PDZRN4: variants seen among roughly 807,000 people sequenced by gnomAD.
PDZRN4 encodes the protein PDZ domain containing ring finger 4.
In PDZRN4, 70 loss-of-function variants were observed where a neutral mutation model predicts 99.0. That is an observed-to-expected ratio of 0.71 (90% CI 0.58 to 0.86). The LOEUF (loss-of-function observed/expected upper bound fraction) is 0.86. PDZRN4 is among the 40% of genes least tolerant of loss of function. The pLI is 0.00. For synonymous variants in PDZRN4, 551 were observed against 501.6 expected, an observed-to-expected ratio of 1.10 and a Z score of -1.32; for missense variants, 1,474 against 1,331.2, an observed-to-expected ratio of 1.11 and a Z score of -1.67.
At chr12:41,530,762 G>C (rs377067158) in intron 5 of PDZRN4, among the ~76,000 whole-genome samples, 1 of 152,128 alleles carries the variant, frequency 6.6e-6, no homozygotes, top group Admixed American at 6.5e-5. Context: ...GGGCATGATC[G>C]GACTTATGAT....
At chr12:41,396,029 C>T (rs1362801029) in intron 3 of PDZRN4, among the ~76,000 whole-genome samples, 2 of 152,028 alleles carry the variant, frequency 1.3e-5, no homozygotes, top group Non-Finnish European at 2.9e-5. Flanking sequence ...TGTTTGTTTA[C>T]CAGTCATTCC....
At chr12:41,380,374 G>A (rs1952115427) in intron 3 of PDZRN4, among the ~76,000 whole-genome samples, 1 of 151,832 alleles carries the variant, frequency 6.6e-6, no homozygotes. Context: ...TTGCCATTTT[G>A]CTGATTGTTT....
At chr12:41,301,742 C>T (rs1446287928) in intron 3 of PDZRN4, among the ~76,000 whole-genome samples, 2 of 149,936 alleles carry the variant, frequency 1.3e-5, no homozygotes, top group Non-Finnish European at 2.9e-5. Flanking sequence ...TAGTGGCTGG[C>T]AGAATTTAGG....
At chr12:41,427,842 C>T (rs905653265) in intron 3 of PDZRN4, among the ~76,000 whole-genome samples, 1 of 152,118 alleles carries the variant, frequency 6.6e-6, no homozygotes, top group Non-Finnish European at 1.5e-5. Flanking sequence ...GTAATCCTAG[C>T]AATTTGGAAG....
At chr12:41,527,528 G>C (rs1046535050) in intron 5 of PDZRN4, among the ~76,000 whole-genome samples, 4 of 152,114 alleles carry the variant, frequency 2.6e-5, no homozygotes, top group Non-Finnish European at 5.9e-5. Flanking sequence ...AAAATAACTA[G>C]AACGTTGAGA....
At chr12:41,294,853 TATC>T (rs1217828908) in intron 3 of PDZRN4, among the ~76,000 whole-genome samples, 4 of 152,130 alleles carry the variant, frequency 2.6e-5, no homozygotes, top group Non-Finnish European at 5.9e-5. Context: ...TAAATATCCT[TATC>T]ATAAATTCTA....
At chr12:41,373,273 A>G (rs951680294) in intron 3 of PDZRN4, among the ~76,000 whole-genome samples, 4 of 152,138 alleles carry the variant, frequency 2.6e-5, no homozygotes, top group South Asian at 2.1e-4. Flanking sequence ...TTATCAAGAG[A>G]CAGGGTTTGA....
chr12:41,511,298 A>G (rs1938300030), intron 5 of PDZRN4, among the ~76,000 whole-genome samples: 1 of 151,980 alleles, frequency 6.6e-6, no homozygotes. Context: ...TTGAAATATT[A>G]CAATACAGAC....
At chr12:41,569,179 A>G (rs1464473122) in intron 9 of PDZRN4, among the ~76,000 whole-genome samples, 3 of 145,980 alleles carry the variant, frequency 2.1e-5, no homozygotes, top group African/African-American at 5.1e-5. Flanking sequence ...GAGTGCAGTG[A>G]CACAATCTCA....
intron 3 of PDZRN4, among the ~76,000 whole-genome samples, chr12:41,381,081 C>CT (rs1952121847): frequency 6.6e-6 from 1 of 152,108 alleles, no homozygotes; most frequent in Non-Finnish European, 1.5e-5. Context: ...GAGAAATACT[C>CT]TAATAGTCTA....
intron 3 of PDZRN4, among the ~76,000 whole-genome samples, chr12:41,336,928 T>C (rs1340320456): frequency 1.3e-5 from 2 of 152,032 alleles, no homozygotes; most frequent in African/African-American, 2.4e-5. Context: ...GGTTCTACAA[T>C]AGTGATGTTA....
At chr12:41,287,838 A>G (rs1951431113) in intron 3 of PDZRN4, among the ~76,000 whole-genome samples, 1 of 152,350 alleles carries the variant, frequency 6.6e-6, no homozygotes, top group East Asian at 1.9e-4. Context: ...AAAATTAAAC[A>G]TATTTTCCAG....
chr12:41,495,558 A>G (rs768065841), intron 3 of PDZRN4, among the ~76,000 whole-genome samples: 3 of 151,988 alleles, frequency 2.0e-5, no homozygotes, highest in Non-Finnish European at 4.4e-5. Flanking sequence ...TGACTCAAGT[A>G]CCCATCATTT....
intron 3 of PDZRN4, among the ~76,000 whole-genome samples, chr12:41,469,191 G>C (rs762107411): frequency 6.6e-6 from 1 of 152,136 alleles, no homozygotes; most frequent in East Asian, 1.9e-4. Context: ...TTCTAAGTTT[G>C]TAAGTGACAT....
intron 3 of PDZRN4, among the ~76,000 whole-genome samples, chr12:41,479,023 A>T (rs1161783901): frequency 6.6e-6 from 1 of 152,194 alleles, no homozygotes; most frequent in East Asian, 1.9e-4. Flanking sequence ...TCCCAAAATA[A>T]ATTCAAGTAG....
chr12:41,442,638 G>A lies in PDZRN4; in HGVS notation c.844-63818G>A, dbSNP rs11180922. Among the ~76,000 whole-genome samples the A allele has an allele frequency of 3.8e-3, 586 of 152,250 alleles. 17 individuals carry two copies. In the East Asian group the frequency reaches 0.091, roughly 24 times the overall value. The stretch of plus-strand genomic sequence containing the variant: ...CTTCCTCTCTACTTTATATCTAACA[G>A]CTGATTAAACCAGGGACAAGCACCT... On this transcript the variant is annotated intron_variant, in intron 3 of 9. Coordinates refer to ENST00000402685, the MANE Select transcript of PDZRN4 (RefSeq NM_001164595.2).
At chr12:41,267,259 A>G (rs1393457308) in intron 3 of PDZRN4, among the ~76,000 whole-genome samples, 1 of 152,192 alleles carries the variant, frequency 6.6e-6, no homozygotes, top group African/African-American at 2.4e-5. Context: ...CACATAGTGT[A>G]TTACCCCTCC....
chr12:41,373,041 C>T (rs962913028), intron 3 of PDZRN4, among the ~76,000 whole-genome samples: 4 of 152,004 alleles, frequency 2.6e-5, no homozygotes, highest in Non-Finnish European at 4.4e-5. Flanking sequence ...CAGCAGGTTC[C>T]GTGATGCCCC....
intron 3 of PDZRN4, among the ~76,000 whole-genome samples, chr12:41,243,499 G>A (rs980859399): frequency 2.0e-5 from 3 of 152,130 alleles, no homozygotes; most frequent in Admixed American, 2.0e-4. Context: ...AGAAGCAGAA[G>A]TTATTATTCA....
Sources: gnomAD v4.1 joint callset for allele counts (sites outside exome capture counted in the v4.1 genomes callset) on GRCh38, gnomAD v4.1.1 for gene constraint, MANE v1.5 for transcripts, NCBI Gene and HGNC (gene_info 2026-07-23, HGNC 2026-07-21) for gene names.